PTPRD: variants seen among roughly 807,000 people sequenced by gnomAD.
The protein encoded by PTPRD is protein tyrosine phosphatase receptor type D.
PTPRD carries 34 observed loss-of-function variants against 214.5 expected under a neutral mutation model. The observed-to-expected ratio is 0.16, with a 90% CI of 0.12 to 0.21. PTPRD has a LOEUF of 0.21. PTPRD is among the 10% of genes least tolerant of loss of function. PTPRD has a pLI of 1.00. For missense variants in PTPRD, 2,545 were observed against 2,398.7 expected, an observed-to-expected ratio of 1.06 and a Z score of -1.27; for synonymous variants, 1,128 against 845.7, an observed-to-expected ratio of 1.33 and a Z score of -5.79.
chr9:10,252,303 T>A (rs148350269), intron 3 of PTPRD, among the ~76,000 whole-genome samples: 36 of 152,258 alleles, frequency 2.4e-4, no homozygotes, highest in African/African-American at 8.7e-4. Flanking sequence ...CACTCCTTCA[T>A]CTCCATCTCT....
At position 8,314,403 on chromosome 9, in the gene PTPRD, CTAAT is replaced by C. The variant is rs1365789531; in HGVS notation, c.*3467_*3470del. The stretch of plus-strand genomic sequence containing the variant: ...TTCTGTAAAACATTTACGCGTACTA[CTAAT>C]TAGAGGTAATTGTATTTTTTAACAA... On this transcript the variant is annotated 3_prime_UTR_variant, in exon 46 of 46. Coordinates refer to ENST00000381196, the MANE Select transcript of PTPRD (RefSeq NM_002839.4). The C allele has an allele frequency of 8.7e-6, 2 of 230,210 alleles. No individual in the cohort carries two copies. Among genetic ancestry groups the C allele is most frequent in the African/African-American group, 4.4e-5 (2 of 45,132 alleles). 14.3% of individuals were successfully genotyped at this position (230,210 alleles called of 1,614,324 possible).
chr9:9,152,225 A>C (rs1029974582), intron 10 of PTPRD, among the ~76,000 whole-genome samples: 1 of 152,186 alleles, frequency 6.6e-6, no homozygotes, highest in Non-Finnish European at 1.5e-5. Context: ...AATCAGAGCC[A>C]TGGCATTTTT....
At chr9:9,257,619 C>G (rs910403660) in intron 9 of PTPRD, among the ~76,000 whole-genome samples, 1 of 151,830 alleles carries the variant, frequency 6.6e-6, no homozygotes, top group African/African-American at 2.4e-5. Flanking sequence ...TAGTGAGACC[C>G]TGTCTCTACC....
intron 5 of PTPRD, among the ~76,000 whole-genome samples, chr9:9,808,037 A>T (rs373724683): frequency 2.6e-5 from 4 of 152,294 alleles, no homozygotes; most frequent in Middle Eastern, 3.4e-3. Flanking sequence ...ATGAGAAAGG[A>T]GTGAAACCAA....
intron 2 of PTPRD, among the ~76,000 whole-genome samples, chr9:10,449,860 A>T (rs1350195907): frequency 6.6e-6 from 1 of 151,776 alleles, no homozygotes; most frequent in Non-Finnish European, 1.5e-5. Context: ...GTATAGAAAG[A>T]AGTAGACATA....
At chr9:9,679,054 C>A (rs1293441230) in intron 7 of PTPRD, among the ~76,000 whole-genome samples, 1 of 149,688 alleles carries the variant, frequency 6.7e-6, no homozygotes, top group African/African-American at 2.5e-5. Flanking sequence ...GTCTTTAAAG[C>A]TTATTAGGGA....
At chr9:9,104,691 G>C (rs1039419157) in intron 10 of PTPRD, among the ~76,000 whole-genome samples, 2 of 152,214 alleles carry the variant, frequency 1.3e-5, no homozygotes, top group African/African-American at 4.8e-5. Context: ...TTGGTGCTCA[G>C]TGTCTCTTTG....
chr9:8,518,112 G>C lies in PTPRD; in HGVS notation c.1279C>G (p.Arg427Gly), dbSNP rs533774328. 1 of 1,614,094 alleles carries C rather than the reference G, an allele frequency of 6.2e-7. No individual in the cohort carries two copies. Among genetic ancestry groups the C allele is most frequent in the Non-Finnish European group, 8.5e-7 (1 of 1,180,024 alleles). The change falls in exon 21 of 46, where the codon CGA becomes GGA. Residue 427 changes from arginine (R) to glycine (G), a missense_variant. Transcript: ENST00000381196. ...AAAATGGTGGTCGAACTCAACATTC[G>C]TGCCTGGACATCCCTCGGGGCACTG... Reference protein sequence around the residue: ...PSSAPRDVQARMLSSTTILVQ... With the variant: ...PSSAPRDVQAGMLSSTTILVQ...
intron 37 of PTPRD, among the ~76,000 whole-genome samples, chr9:8,381,911 A>G (rs1251203572): frequency 6.6e-6 from 1 of 152,180 alleles, no homozygotes; most frequent in Admixed American, 6.5e-5. Context: ...GAACTGTGTG[A>G]GGTGCCTCTT....
At chr9:8,601,565 G>T (rs1029175299) in intron 14 of PTPRD, among the ~76,000 whole-genome samples, 1 of 152,196 alleles carries the variant, frequency 6.6e-6, no homozygotes, top group African/African-American at 2.4e-5. Context: ...TTGTTTGGGA[G>T]AAAGTAAGGC....
chr9:8,876,130 G>C (rs2098387029), intron 11 of PTPRD, among the ~76,000 whole-genome samples: 1 of 152,124 alleles, frequency 6.6e-6, no homozygotes, highest in South Asian at 2.1e-4. Flanking sequence ...ATAGAGCATA[G>C]AATTGGCCTG....
chr9:9,494,191 C>T (rs2096063247), intron 8 of PTPRD, among the ~76,000 whole-genome samples: 1 of 152,144 alleles, frequency 6.6e-6, no homozygotes, highest in African/African-American at 2.4e-5. Context: ...AATGTGTTTT[C>T]ATGAGATGAA....
chr9:10,531,756 C>CA (rs2056416662), intron 2 of PTPRD, among the ~76,000 whole-genome samples: 1 of 152,042 alleles, frequency 6.6e-6, no homozygotes, highest in Non-Finnish European at 1.5e-5. Flanking sequence ...TTCTCCATGA[C>CA]AAAAATCACA....
intron 5 of PTPRD, among the ~76,000 whole-genome samples, chr9:9,836,201 A>G (rs1173244681): frequency 1.3e-5 from 2 of 152,166 alleles, no homozygotes; most frequent in Non-Finnish European, 2.9e-5. Flanking sequence ...AAACATATGG[A>G]AGGACATCCT....
At chr9:10,339,224 T>A (rs954791214) in intron 3 of PTPRD, among the ~76,000 whole-genome samples, 9 of 151,808 alleles carry the variant, frequency 5.9e-5, no homozygotes. Flanking sequence ...TCAGACCACT[T>A]TCTTCTATAA....
intron 39 of PTPRD, among the ~76,000 whole-genome samples, chr9:8,370,830 T>C (rs1310505890): frequency 6.6e-6 from 1 of 152,038 alleles, no homozygotes; most frequent in African/African-American, 2.4e-5. Context: ...ATGGGGAACA[T>C]AATGGCCTTG....
chr9:8,741,327 T>C (rs1369443152), intron 11 of PTPRD, among the ~76,000 whole-genome samples: 1 of 152,192 alleles, frequency 6.6e-6, no homozygotes, highest in Non-Finnish European at 1.5e-5. Context: ...TTTCAGTTAT[T>C]ACTGCATGTC....
At chr9:9,717,202 T>A (rs987848991) in intron 7 of PTPRD, among the ~76,000 whole-genome samples, 2 of 152,324 alleles carry the variant, frequency 1.3e-5, no homozygotes, top group South Asian at 4.1e-4. Context: ...TCTGTTCCAT[T>A]GATCTATATC....
At chr9:9,307,030 T>G (rs866157094) in intron 9 of PTPRD, among the ~76,000 whole-genome samples, 7 of 152,308 alleles carry the variant, frequency 4.6e-5, no homozygotes, top group Non-Finnish European at 1.0e-4. Context: ...TTAACATTTG[T>G]TCAGCAATTA....
Sources: gnomAD v4.1 joint callset for allele counts (sites outside exome capture counted in the v4.1 genomes callset) on GRCh38, gnomAD v4.1.1 for gene constraint, MANE v1.5 for transcripts, NCBI Gene and HGNC (gene_info 2026-07-23, HGNC 2026-07-21) for gene names.